QKI: variants seen among roughly 807,000 people sequenced by gnomAD.
QKI encodes the protein QKI, KH domain containing RNA binding, also known as KH domain-containing RNA-binding protein QKI.
A neutral mutation model predicts 39.0 loss-of-function variants in QKI; 10 were observed. The observed-to-expected ratio is 0.26, with a 90% CI of 0.16 to 0.43. QKI has a LOEUF of 0.43. Among genes scored for constraint, QKI ranks in the 20% least tolerant of loss-of-function variants. The pLI is 1.00. For synonymous variants in QKI, 204 were observed against 155.4 expected (o/e 1.31, Z -2.33); for missense variants, 218 against 428.0 (o/e 0.51, Z 4.33).
Position 163,491,420 on chromosome 6 carries a change from A to G in QKI, c.402+12524A>G, listed in dbSNP as rs192489345. Among the ~76,000 whole-genome samples, 15 of 152,262 alleles carry G rather than the reference A, an allele frequency of 9.9e-5. No individual in the cohort carries two copies. In the East Asian group the frequency reaches 2.9e-3, roughly 29 times the overall value. On this transcript the variant is annotated intron_variant, in intron 3 of 7. Coordinates refer to ENST00000361752, the MANE Select transcript of QKI (RefSeq NM_006775.3). ...TATGTTTGTTTCAGGATTGTAAACT[A>G]GCTCCCTGGTGTCCCTCCTCCTCTA...
chr6:163,509,054 A>T (rs894139416), intron 3 of QKI, among the ~76,000 whole-genome samples: 1 of 151,978 alleles, frequency 6.6e-6, no homozygotes, highest in African/African-American at 2.4e-5. Flanking sequence ...CACGAGAATC[A>T]CTTGAATCCG....
At chr6:163,538,669 G>A (rs1049021850) in intron 4 of QKI, among the ~76,000 whole-genome samples, 4 of 152,218 alleles carry the variant, frequency 2.6e-5, no homozygotes, top group African/African-American at 4.8e-5. Context: ...CTGCTGGCCT[G>A]AGAATAGACT....
At chr6:163,563,271 AT>A (rs1470682136) in intron 5 of QKI, 148 bp from the exon 6 acceptor site, 4 of 670,544 alleles carry the variant, frequency 6.0e-6, no homozygotes, top group African/African-American at 5.4e-5. Flanking sequence ...GTGCTTTTGC[AT>A]TTTTGTGTGA....
At chr6:163,429,835 G>A (rs1476039539) in intron 1 of QKI, among the ~76,000 whole-genome samples, 2 of 152,082 alleles carry the variant, frequency 1.3e-5, no homozygotes, top group Non-Finnish European at 2.9e-5. Flanking sequence ...ATTAATATGT[G>A]TGCGATGTTA....
chr6:163,456,353 T>C (rs571184575), intron 2 of QKI, among the ~76,000 whole-genome samples: 78 of 152,282 alleles, frequency 5.1e-4, no homozygotes, highest in Non-Finnish European at 4.3e-4. Context: ...AATAAGAACC[T>C]TGTCTTTGTT....
At chr6:163,464,199 G>A (rs961420483) in intron 2 of QKI, among the ~76,000 whole-genome samples, 2 of 151,262 alleles carry the variant, frequency 1.3e-5, no homozygotes, top group Admixed American at 6.6e-5. Context: ...GATATCTCGC[G>A]CAATACATAG....
At chr6:163,475,783 T>A (rs187619606) in intron 2 of QKI, among the ~76,000 whole-genome samples, 278 of 152,280 alleles carry the variant, frequency 1.8e-3, no homozygotes, top group Non-Finnish European at 2.2e-3. Flanking sequence ...TTCTAGAAGA[T>A]AACACCAGAA....
At chr6:163,553,604 A>C (rs1265643251) in intron 4 of QKI, among the ~76,000 whole-genome samples, 2 of 152,166 alleles carry the variant, frequency 1.3e-5, no homozygotes, top group Non-Finnish European at 2.9e-5. Flanking sequence ...GTTGTGAATC[A>C]TATAAATCCT....
At chr6:163,438,593 G>A (rs75992519) in intron 1 of QKI, among the ~76,000 whole-genome samples, 4,238 of 152,152 alleles carry the variant, frequency 0.028, 193 homozygotes, top group African/African-American at 0.096. Context: ...ATAACACAAT[G>A]GTATTTGTGT....
intron 3 of QKI, among the ~76,000 whole-genome samples, chr6:163,521,630 C>T (rs1780164512): frequency 6.6e-6 from 1 of 152,120 alleles, no homozygotes; most frequent in South Asian, 2.1e-4. Context: ...TCAAGCGATT[C>T]TCCTGCCTCA....
chr6:163,446,224 C>G (rs915367407), intron 1 of QKI, among the ~76,000 whole-genome samples: 1 of 152,008 alleles, frequency 6.6e-6, no homozygotes, highest in African/African-American at 2.4e-5. Context: ...GGTTGTAATT[C>G]ATTACTATCA....
At chr6:163,429,800 A>C (rs1788689067) in intron 1 of QKI, among the ~76,000 whole-genome samples, 1 of 152,188 alleles carries the variant, frequency 6.6e-6, no homozygotes, top group Non-Finnish European at 1.5e-5. Flanking sequence ...TTTTCATTCT[A>C]TTCTAGGCTG....
At position 163,439,354 on chromosome 6, in the gene QKI, T is replaced by TTG. The variant is rs201292493; in HGVS notation, c.143-15925_143-15924insTG. On this transcript the variant is annotated intron_variant, in intron 1 of 7. Transcript: ENST00000361752. ...GGTTTTTTTTTGTTTTTTTTTTTTT[T>TTG]CGGGGGGGTGGGGGACGGAGTCTCA... Among the ~76,000 whole-genome samples the TTG allele has an allele frequency of 8.1e-4, 108 of 133,424 alleles. 4 individuals are homozygous for TTG. Among genetic ancestry groups the TTG allele is most frequent in the Non-Finnish European group, 1.1e-3 (64 of 60,732 alleles). The allele number at this position is 133,424 out of a possible 152,430, so 87.5% of individuals were successfully genotyped here.
At chr6:163,507,896 T>G (rs1464245229) in intron 3 of QKI, among the ~76,000 whole-genome samples, 2 of 152,200 alleles carry the variant, frequency 1.3e-5, no homozygotes, top group Non-Finnish European at 1.5e-5. Flanking sequence ...GATTTTTTGT[T>G]TTTGTTTTTT....
intron 5 of QKI, among the ~76,000 whole-genome samples, chr6:163,562,502 A>T (rs189627479): frequency 6.6e-6 from 1 of 152,262 alleles, no homozygotes; most frequent in East Asian, 1.9e-4. Context: ...CTTTGCTTGC[A>T]TGTTTTCCCT....
intron 4 of QKI, among the ~76,000 whole-genome samples, chr6:163,540,859 G>A (rs1241742095): frequency 1.3e-5 from 2 of 151,916 alleles, no homozygotes; most frequent in African/African-American, 4.8e-5. Context: ...GTCTAAATTG[G>A]TTGACTTCAA....
intron 2 of QKI, among the ~76,000 whole-genome samples, chr6:163,476,632 G>A (rs952582464): frequency 1.3e-5 from 2 of 152,186 alleles, no homozygotes; most frequent in Admixed American, 6.5e-5. Context: ...TTGCTGTTCT[G>A]TGGGCAGTGA....
rs572377665 is a variant in QKI, at chr6:163,544,220, A to C, written c.546+9095A>C. On this transcript the variant is annotated intron_variant, in intron 4 of 7. Coordinates refer to ENST00000361752, the MANE Select transcript of QKI (RefSeq NM_006775.3). Reference sequence around the variant, plus strand: ...CAAGCACTACATTGAATCCACATGAATGAAGTGATATGTGGGCGTTGCATT... The same window carrying C: ...CAAGCACTACATTGAATCCACATGACTGAAGTGATATGTGGGCGTTGCATT... Among the ~76,000 whole-genome samples, 25 of 152,190 alleles carry C rather than the reference A, an allele frequency of 1.6e-4. No individual in the cohort carries two copies. In the South Asian group the frequency reaches 5.0e-3, roughly 30 times the overall value.
intron 7 of QKI, 31 bp from the exon 8 acceptor site, chr6:163,570,654 CTTTTTTTTG>C: frequency 6.2e-7 from 1 of 1,601,620 alleles, no homozygotes. Context: ...CTTTTCTTTT[CTTTTTTTTG>C]TTTTGTTTTT....
Sources: gnomAD v4.1 joint callset for allele counts (sites outside exome capture counted in the v4.1 genomes callset) on GRCh38, gnomAD v4.1.1 for gene constraint, MANE v1.5 for transcripts, NCBI Gene and HGNC (gene_info 2026-07-23, HGNC 2026-07-21) for gene names.